SLMAP: variants seen among roughly 807,000 people sequenced by gnomAD.
The protein encoded by SLMAP is sarcolemma associated protein, also known as sarcolemmal membrane-associated protein.
SLMAP carries 44 observed loss-of-function variants against 128.8 expected under a neutral mutation model. The ratio of observed to expected loss-of-function variants is 0.34; its 90% confidence interval spans 0.27 to 0.44. The LOEUF is 0.44. Among genes scored for constraint, SLMAP ranks in the 20% least tolerant of loss-of-function variants. The pLI, the probability that SLMAP is intolerant of heterozygous loss-of-function variation, is 1.00. For synonymous variants in SLMAP, 327 were observed against 348.8 expected (o/e 0.94, Z 0.70); for missense variants, 787 against 985.3 (o/e 0.80, Z 2.69).
chr3:57,921,662 C>T (rs2096921627), intron 22 of SLMAP, among the ~76,000 whole-genome samples: 1 of 152,080 alleles, frequency 6.6e-6, no homozygotes, highest in South Asian at 2.1e-4. Flanking sequence ...AAAATTTCTA[C>T]CGAAAACAGA....
intron 2 of SLMAP, among the ~76,000 whole-genome samples, chr3:57,771,177 C>CCTCCCCTCT (rs2080805122): frequency 4.0e-4 from 35 of 88,532 alleles, no homozygotes; most frequent in Admixed American, 3.9e-4. Context: ...CCCTCCCCTC[C>CCTCCCCTCT]CCTCTCCTCT....
chr3:57,764,800 C>G (rs551038409), intron 2 of SLMAP, among the ~76,000 whole-genome samples: 102 of 152,240 alleles, frequency 6.7e-4, no homozygotes, highest in African/African-American at 2.4e-3. Context: ...AAGCTCATAA[C>G]CACTGTGCTA....
intron 2 of SLMAP, among the ~76,000 whole-genome samples, chr3:57,775,702 A>G (rs1199786642): frequency 6.6e-6 from 1 of 151,416 alleles, no homozygotes; most frequent in Non-Finnish European, 1.5e-5. Flanking sequence ...AAAAATTGTT[A>G]TTATGATTAT....
At chr3:57,900,645 A>G (rs1185346849) in intron 17 of SLMAP, 1 of 152,764 alleles carries the variant, frequency 6.5e-6, no homozygotes, top group Non-Finnish European at 1.5e-5. Context: ...GCAAAACCCC[A>G]TCTCTACAAA....
Position 57,757,548 on chromosome 3 carries a change from T to TA in SLMAP, c.-100dup. ...AGACAATGTGCAGTTTGTGTTAATT[T>TA]AAAATTTTGGGTGGGATAGGGGCAT... On this transcript the variant is annotated 5_prime_UTR_variant, in exon 2 of 25. It removes the in-frame stop codon of an upstream open reading frame in the 5' UTR. Transcript: ENST00000671191. 1 of 1,020,614 alleles carries TA rather than the reference T, an allele frequency of 9.8e-7. No individual in the cohort carries two copies. The highest frequency in any genetic ancestry group is 1.4e-5 in the South Asian group (1 of 71,054). The allele number at this position is 1,020,614 out of a possible 1,614,324, so 63.2% of individuals were successfully genotyped here. A position where few individuals can be genotyped will look rare whatever the true frequency, so the allele number is the denominator to read the frequency against.
intron 15 of SLMAP, among the ~76,000 whole-genome samples, chr3:57,891,980 G>A (rs911831675): frequency 6.6e-6 from 1 of 151,872 alleles, no homozygotes; most frequent in Non-Finnish European, 1.5e-5. Context: ...CATTAATAAG[G>A]GTATTTATTA....
intron 17 of SLMAP, chr3:57,898,119 A>G (rs931737795): frequency 2.0e-5 from 3 of 152,098 alleles, no homozygotes; most frequent in Admixed American, 6.6e-5. Flanking sequence ...CCAGACCCCG[A>G]GCTTTGGGAT....
Position 57,923,005 on chromosome 3 carries a change from C to A in SLMAP, c.2427C>A (p.Leu809=), listed in dbSNP as rs1297439131. The part of the protein sequence containing the change: ...LKQCKNNLKL[L]REKGNNPSIL... ...AGTGTAAAAACAACCTGAAGCTGCT[C>A]CGAGAGAAAGGAAATAATGTAAGTC... Residue 809 remains leucine (L), a synonymous_variant, in exon 23 of 25, where the codon CTC becomes CTA. Coordinates refer to ENST00000671191, the MANE Select transcript of SLMAP (RefSeq NM_001377540.1). The A allele has an allele frequency of 6.2e-7, 1 of 1,613,470 alleles. No individual in the cohort carries two copies. The highest frequency in any genetic ancestry group is 1.3e-5 in the African/African-American group (1 of 74,840).
At chr3:57,828,406 G>A (rs1335893295) in intron 2 of SLMAP, among the ~76,000 whole-genome samples, 1 of 152,038 alleles carries the variant, frequency 6.6e-6, no homozygotes, top group Non-Finnish European at 1.5e-5. Flanking sequence ...ACAGCCAAGG[G>A]CAAAAGGTTA....
At chr3:57,849,361 G>A (rs2094424206) in intron 5 of SLMAP, among the ~76,000 whole-genome samples, 1 of 152,032 alleles carries the variant, frequency 6.6e-6, no homozygotes, top group Admixed American at 6.6e-5. Context: ...ACCTACCTAT[G>A]GATTTCAAGA....
Position 57,860,645 on chromosome 3 carries a change from A to G in SLMAP, c.688-54A>G, listed in dbSNP as rs1046991651. 5.8e-5 allele frequency: 79 copies of G among 1,363,108 alleles called. No homozygotes were observed. The African/African-American group carries it at 1.0e-3, about 18-fold the overall frequency. 84.4% of individuals were successfully genotyped at this position (1,363,108 alleles called of 1,614,324 possible). On this transcript the variant is annotated intron_variant, in intron 8 of 24. Coordinates refer to ENST00000671191, the MANE Select transcript of SLMAP (RefSeq NM_001377540.1). ...ATAATGTGTTAATTTTTTTCAAACA[A>G]TAAATGCTTTTAAAAAATAACTTGT... is the stretch of plus-strand genomic sequence containing the variant.
At chr3:57,813,092 A>C (rs1176789057) in intron 2 of SLMAP, among the ~76,000 whole-genome samples, 1 of 137,480 alleles carries the variant, frequency 7.3e-6, no homozygotes, top group Non-Finnish European at 1.6e-5. Flanking sequence ...TTCCGTTTGG[A>C]TGCTTTTTTT....
intron 3 of SLMAP, 70 bp downstream of exon 3, chr3:57,831,600 G>T: frequency 1.8e-6 from 2 of 1,102,374 alleles, no homozygotes; most frequent in Middle Eastern, 2.2e-4. Context: ...TATCTTACTT[G>T]ACATTATGAA....
chr3:57,837,817 A>C (rs1290300765), intron 3 of SLMAP, among the ~76,000 whole-genome samples: 3 of 152,244 alleles, frequency 2.0e-5, no homozygotes, highest in African/African-American at 4.8e-5. Flanking sequence ...GGTTGCTTTA[A>C]TTACTTGCCT....
intron 14 of SLMAP, among the ~76,000 whole-genome samples, chr3:57,886,641 A>G (rs1264791216): frequency 6.6e-6 from 1 of 151,446 alleles, no homozygotes; most frequent in African/African-American, 2.4e-5. Context: ...TAGAGATCTA[A>G]TATATTAATA....
At chr3:57,881,697 G>A (rs185511035) in intron 14 of SLMAP, among the ~76,000 whole-genome samples, 4 of 152,120 alleles carry the variant, frequency 2.6e-5, no homozygotes, top group East Asian at 1.9e-4. Flanking sequence ...CTCGTGATGC[G>A]CCCACCTCGG....
intron 2 of SLMAP, among the ~76,000 whole-genome samples, chr3:57,779,853 C>T (rs1480385537): frequency 6.6e-6 from 1 of 152,084 alleles, no homozygotes; most frequent in Non-Finnish European, 1.5e-5. Context: ...TGGCTTGAGT[C>T]TGTGCTCTGA....
At position 57,800,858 on chromosome 3, in the gene SLMAP, T is replaced by A. The variant is rs150384733; in HGVS notation, c.199-30525T>A. On this transcript the variant is annotated intron_variant, in intron 2 of 24. Transcript: ENST00000671191. ...TTGTAGGCCTCAAATATAAAGTCAT[T>A]CAGACCTCATCTTTTCCGTTATACT... 1.5e-3 allele frequency: 260 copies of A among 173,540 alleles called. 1 individual carries two copies. The highest frequency in any genetic ancestry group is 3.3e-3 in the Admixed American group (53 of 16,006). 10.8% of individuals were successfully genotyped at this position (173,540 alleles called of 1,614,324 possible). A position where few individuals can be genotyped will look rare whatever the true frequency, so the allele number is the denominator to read the frequency against.
intron 6 of SLMAP, among the ~76,000 whole-genome samples, chr3:57,853,955 T>TTATA (rs1157170350): frequency 0.072 from 2,287 of 31,572 alleles, 128 homozygotes; most frequent in African/African-American, 0.076. Flanking sequence ...AAAAAAAAAA[T>TTATA]TATATATATA....
Sources: allele counts gnomAD v4.1 joint callset (sites outside exome capture counted in the v4.1 genomes callset), GRCh38; gene constraint gnomAD v4.1.1; transcripts MANE v1.5; gene names NCBI Gene and HGNC (gene_info 2026-07-23, HGNC 2026-07-21).